Variants in TNNI1 observed in about 807,000 individuals in gnomAD.
The protein encoded by TNNI1 is troponin I1, slow skeletal type, also known as troponin I, slow skeletal muscle.
A neutral mutation model predicts 26.7 loss-of-function variants in TNNI1; 14 were observed. The observed-to-expected ratio is 0.52, with a 90% CI of 0.35 to 0.82. The LOEUF is 0.82. Among genes scored for constraint, TNNI1 ranks in the 40% least tolerant of loss-of-function variants. TNNI1 has a pLI of 0.01. For synonymous variants in TNNI1, 79 were observed against 98.2 expected, an observed-to-expected ratio of 0.80 and a Z score of 1.16; for missense variants, 164 against 257.0, an observed-to-expected ratio of 0.64 and a Z score of 2.47.
rs1003351506 is a variant in TNNI1, at chr1:201,411,854, T to C, written c.280-321A>G. Among the ~76,000 whole-genome samples the C allele has an allele frequency of 6.6e-6, 1 of 152,200 alleles. No individual in the cohort carries two copies. Among genetic ancestry groups the C allele is most frequent in the Non-Finnish European group, 1.5e-5 (1 of 68,030 alleles). On this transcript the variant is annotated intron_variant, in intron 6 of 8. Transcript: ENST00000361379. The surrounding 1 kb of genome is among the most constrained non-coding windows in gnomAD (Gnocchi z 4.6). ...CAGTTCACAATAGGGTTCACACTCC[T>C]GTGAGAATCTAATGCCGCCGCTGAT...
At chr1:201,417,674 T>G in intron 2 of TNNI1, 109 bp downstream of exon 2, 1 of 976,654 alleles carries the variant, frequency 1.0e-6, no homozygotes, top group Non-Finnish European at 1.4e-6. Flanking sequence ...CCTGGTCTCT[T>G]AGGGAAAAGC....
chr1:201,410,792 G>A (rs1461426580), intron 7 of TNNI1, among the ~76,000 whole-genome samples: 10 of 152,316 alleles, frequency 6.6e-5, no homozygotes, highest in East Asian at 3.9e-4. Context: ...CTGCAAATGC[G>A]GCTGCTTTTC....
At chr1:201,410,219 G>A (rs909266198) in intron 8 of TNNI1, 107 bp downstream of exon 8, 24 of 924,414 alleles carry the variant, frequency 2.6e-5, no homozygotes, top group Admixed American at 4.2e-5. Flanking sequence ...GCCTTAGTCC[G>A]TGCATCCGTG....
At chr1:201,415,285 T>C (rs199737929) in intron 3 of TNNI1, 31 bp from the exon 4 acceptor site, 4 of 1,612,612 alleles carry the variant, frequency 2.5e-6, no homozygotes, top group Non-Finnish European at 2.5e-6. Context: ...AGACAGGTGG[T>C]GAGGCAGAGG....
At position 201,405,989 on chromosome 1, in the gene TNNI1, C is replaced by T. The variant is rs139629926; in HGVS notation, c.*3264G>A. 9.1e-3 allele frequency: 1,387 copies of T among 152,692 alleles called. 6 individuals are homozygous for T. Among genetic ancestry groups the T allele is most frequent in the Non-Finnish European group, 0.014 (959 of 68,318 alleles). 9.5% of individuals were successfully genotyped at this position (152,692 alleles called of 1,614,324 possible). A position where few individuals can be genotyped will look rare whatever the true frequency, so the allele number is the denominator to read the frequency against. On this transcript the variant is annotated 3_prime_UTR_variant, in exon 9 of 9. Transcript: ENST00000361379. ...ATGTTGGAGGAAGGCCTCACCTTAG[C>T]CCATCTGTATGTCACCTGCATCTCC...
intron 4 of TNNI1, among the ~76,000 whole-genome samples, chr1:201,414,920 T>C (rs931013837): frequency 3.3e-5 from 5 of 152,192 alleles, no homozygotes; most frequent in African/African-American, 4.8e-5. Flanking sequence ...GAGAAACACA[T>C]ATGAAAATAA....
rs1290424872 is a variant in TNNI1, at chr1:201,406,611, CA to C, written c.*2641del. On this transcript the variant is annotated 3_prime_UTR_variant, in exon 9 of 9. Coordinates refer to ENST00000361379, the MANE Select transcript of TNNI1 (RefSeq NM_003281.4). ...TTACTCAGTGGCAGGCCCCAGCTCC[CA>C]GCTCTACTGGTGTTGTCTCCATGGT... 6.6e-6 allele frequency: 1 copy of C among 152,144 alleles called. No homozygotes were observed. The highest frequency in any genetic ancestry group is 2.4e-5 in the African/African-American group (1 of 41,430). The allele number at this position is 152,144 out of a possible 1,614,324, so 9.4% of individuals were successfully genotyped here. A position where few individuals can be genotyped will look rare whatever the true frequency, so the allele number is the denominator to read the frequency against.
At chr1:201,412,769 T>C (rs928660912) in intron 6 of TNNI1, among the ~76,000 whole-genome samples, 2 of 152,256 alleles carry the variant, frequency 1.3e-5, no homozygotes, top group Non-Finnish European at 2.9e-5. Flanking sequence ...TGATTATTTG[T>C]GTGGGTGGAT....
At position 201,407,668 on chromosome 1, in the gene TNNI1, C is replaced by G. The variant is rs1220166936; in HGVS notation, c.*1585G>C. 1 of 152,150 alleles carries G rather than the reference C, an allele frequency of 6.6e-6. No individual in the cohort carries two copies. The highest frequency in any genetic ancestry group is 1.5e-5 in the Non-Finnish European group (1 of 68,070). 9.4% of individuals were successfully genotyped at this position (152,150 alleles called of 1,614,324 possible). On this transcript the variant is annotated 3_prime_UTR_variant, in exon 9 of 9. Transcript: ENST00000361379. ...CTCCTAGGGCCAGTGCTAGGGTGGT[C>G]GAAAAGCCAAGGGACCCCAGGTCTG...
intron 7 of TNNI1, 65 bp from the exon 8 acceptor site, chr1:201,410,500 G>C: frequency 7.1e-7 from 1 of 1,415,780 alleles, no homozygotes; most frequent in Non-Finnish European, 1.0e-6. Flanking sequence ...CTCAAGAGAA[G>C]CTGGGTGATA....
In TNNI1 at chr1:201,415,272, G is replaced by A. The variant is rs774386875; in HGVS notation, c.16-18C>T. On this transcript the variant is annotated intron_variant, in intron 3 of 8. Transcript: ENST00000361379. ...GGTTTTCTCTGTGGGCAAGAAGAGA[G>A]AGAGACAGGTGGTGAGGCAGAGGCT... 5 of 1,614,046 alleles carry A rather than the reference G, an allele frequency of 3.1e-6. No individual in the cohort carries two copies. Among genetic ancestry groups the A allele is most frequent in the Non-Finnish European group, 3.4e-6 (4 of 1,179,964 alleles).
chr1:201,419,486 T>A (rs1387550200), intron 1 of TNNI1, among the ~76,000 whole-genome samples: 1 of 152,140 alleles, frequency 6.6e-6, no homozygotes, highest in Non-Finnish European at 1.5e-5. Context: ...GAGAGCCTAG[T>A]GTGTGTGGAG....
Position 201,411,614 on chromosome 1 carries a change from G to A in TNNI1, c.280-81C>T. 1 of 1,379,964 alleles carries A rather than the reference G, an allele frequency of 7.2e-7. No individual in the cohort carries two copies. The highest frequency in any genetic ancestry group is 9.5e-7 in the Non-Finnish European group (1 of 1,048,230). 85.5% of individuals were successfully genotyped at this position (1,379,964 alleles called of 1,614,324 possible). ...CTTCCTGAGGACCTCAGACTGCTAGGGTTCCAGCCAGAGATACACCTTAAA... is the reference window on the plus strand; with the variant it reads ...CTTCCTGAGGACCTCAGACTGCTAGAGTTCCAGCCAGAGATACACCTTAAA... On this transcript the variant is annotated intron_variant, in intron 6 of 8. Coordinates refer to ENST00000361379, the MANE Select transcript of TNNI1 (RefSeq NM_003281.4). This position sits in a 1 kb window ranked among gnomAD's most constrained non-coding sequence, Gnocchi z 4.6.
At chr1:201,416,948 C>A (rs554366211) in intron 3 of TNNI1, among the ~76,000 whole-genome samples, 168 bp downstream of exon 3, 1 of 152,146 alleles carries the variant, frequency 6.6e-6, no homozygotes, top group Admixed American at 6.5e-5. Flanking sequence ...CTTCACCTGA[C>A]GTTTCCATCT....
intron 7 of TNNI1, among the ~76,000 whole-genome samples, chr1:201,410,689 T>C (rs892011010): frequency 1.3e-5 from 2 of 152,194 alleles, no homozygotes; most frequent in Admixed American, 6.5e-5. Context: ...CCCACCTCAG[T>C]GCACCTCAGC....
intron 3 of TNNI1, 141 bp downstream of exon 3, chr1:201,416,975 G>A: frequency 1.0e-6 from 1 of 952,392 alleles, no homozygotes; most frequent in Non-Finnish European, 1.7e-6. Context: ...AATTTGTTCA[G>A]CCACTAAATA....
At position 201,410,578 on chromosome 1, in the gene TNNI1, C is replaced by T. The variant is rs954712784; in HGVS notation, c.457-143G>A. The T allele has an allele frequency of 4.4e-6, 3 of 682,738 alleles. No individual in the cohort carries two copies. In the African/African-American group the frequency reaches 5.4e-5, roughly 12 times the overall value. The allele number at this position is 682,738 out of a possible 1,614,324, so 42.3% of individuals were successfully genotyped here. On this transcript the variant is annotated intron_variant, in intron 7 of 8. Coordinates refer to ENST00000361379, the MANE Select transcript of TNNI1 (RefSeq NM_003281.4). ...CCCCAGCTGGTAAGGTCCTAGGACT[C>T]AGCCAGGCAGGTGGACACAGGCCAA...
At chr1:201,417,155 G>C in intron 2 of TNNI1, 36 bp from the exon 3 acceptor site, 1 of 1,613,972 alleles carries the variant, frequency 6.2e-7, no homozygotes, top group Non-Finnish European at 8.5e-7. Context: ...CGGGGAAAGA[G>C]CAGAACACAG....
At chr1:201,419,067 T>C (rs1662809501) in intron 1 of TNNI1, among the ~76,000 whole-genome samples, 2 of 152,122 alleles carry the variant, frequency 1.3e-5, no homozygotes, top group Admixed American at 6.5e-5. Flanking sequence ...CAAACCTCCA[T>C]GACACATGTT....
Sources: allele counts gnomAD v4.1 joint callset (sites outside exome capture counted in the v4.1 genomes callset), GRCh38; gene constraint gnomAD v4.1.1; non-coding constraint Gnocchi (gnomAD v3.1); transcripts MANE v1.5; gene names NCBI Gene and HGNC (gene_info 2026-07-23, HGNC 2026-07-21).